MACF1: variants seen among roughly 807,000 people sequenced by gnomAD.
MACF1 encodes microtubule actin crosslinking factor 1, also known as microtubule-actin cross-linking factor 1.
MACF1 carries 193 observed loss-of-function variants against 854.8 expected under a neutral mutation model. The observed-to-expected ratio is 0.23, with a 90% CI of 0.20 to 0.25. The LOEUF (loss-of-function observed/expected upper bound fraction) is 0.25, where lower values mean the gene tolerates loss of function less well. Ranked by LOEUF, MACF1 falls within the 10% of genes least tolerant of loss-of-function variation. MACF1 has a pLI of 1.00. For missense variants in MACF1, 7,722 were observed against 8,929.1 expected (o/e 0.86, Z 5.45); for synonymous variants, 3,185 against 3,226.7 (o/e 0.99, Z 0.44).
chr1:39,379,756 A>C (rs941497240), intron 54 of MACF1, among the ~76,000 whole-genome samples: 13 of 152,242 alleles, frequency 8.5e-5, no homozygotes, highest in African/African-American at 3.1e-4. Context: ...TGTAAGCAAG[A>C]CAAACCATTC....
intron 35 of MACF1, 85 bp downstream of exon 35, chr1:39,324,819 T>G (rs1204785106): frequency 1.9e-6 from 2 of 1,061,988 alleles, no homozygotes; most frequent in Admixed American, 3.8e-5. Context: ...GATTTCAGAA[T>G]GGAGAATTCA....
intron 6 of MACF1, among the ~76,000 whole-genome samples, chr1:39,263,290 A>G (rs1645186556): frequency 6.6e-6 from 1 of 152,166 alleles, no homozygotes; most frequent in Non-Finnish European, 1.5e-5. Flanking sequence ...TCCAGATTAA[A>G]GATTTGTGAC....
At chr1:39,414,900 T>A (rs1643228385) in intron 58 of MACF1, among the ~76,000 whole-genome samples, 1 of 152,206 alleles carries the variant, frequency 6.6e-6, no homozygotes, top group African/African-American at 2.4e-5. Context: ...CTGGGGTGCT[T>A]CCTAACCACT....
intron 2 of MACF1, among the ~76,000 whole-genome samples, chr1:39,152,530 C>T (rs1170512059): frequency 2.0e-5 from 3 of 152,168 alleles, no homozygotes; most frequent in Admixed American, 6.5e-5. Flanking sequence ...CCCTCATTGA[C>T]GTTCTCCCTG....
At chr1:39,086,958 C>T (rs545762063) in intron 2 of MACF1, among the ~76,000 whole-genome samples, 1 of 152,218 alleles carries the variant, frequency 6.6e-6, no homozygotes, top group South Asian at 2.1e-4. Flanking sequence ...TGCAGTTGGG[C>T]GTGTTTCTTT....
chr1:39,460,809 C>G lies in MACF1; in HGVS notation c.21523+15C>G, dbSNP rs374209801. On this transcript the variant is annotated intron_variant, in intron 92 of 100. Coordinates refer to ENST00000564288, the MANE Select transcript of MACF1 (RefSeq NM_001394062.1). The surrounding 1 kb of genome is among the most constrained non-coding windows in gnomAD (Gnocchi z 4.1). Reference sequence around the variant, plus strand: ...TTTAGCATCCAGTGAGTCTAGTCATCATTCCAAACATGGGTCACACCTGGA... The same window carrying G: ...TTTAGCATCCAGTGAGTCTAGTCATGATTCCAAACATGGGTCACACCTGGA... The G allele has an allele frequency of 3.1e-6, 5 of 1,613,490 alleles. No individual in the cohort carries two copies. The highest frequency in any genetic ancestry group is 4.2e-6 in the Non-Finnish European group (5 of 1,179,480).
rs1646442643 is a variant in MACF1 at position 39,317,869 on chromosome 1, CAG to C, written c.3782+464_3782+465del. The stretch of plus-strand genomic sequence containing the variant: ...TAATGACAGATGTAAATAGGAAGGA[CAG>C]AAACTGCACCTTTTGGAGGCTAAGC... On this transcript the variant is annotated intron_variant, in intron 29 of 100. Transcript: ENST00000564288. 1.3e-5 allele frequency among the ~76,000 whole-genome samples: 2 copies of C among 152,168 alleles called. 1 individual carries two copies. Among genetic ancestry groups the C allele is most frequent in the Non-Finnish European group, 2.9e-5 (2 of 68,040 alleles).
chr1:39,423,661 A>G (rs1643628641), intron 60 of MACF1, among the ~76,000 whole-genome samples: 1 of 151,942 alleles, frequency 6.6e-6, no homozygotes, highest in African/African-American at 2.4e-5. Flanking sequence ...AATGTTTATA[A>G]TATACAATGT....
chr1:39,149,869 T>C (rs568639632), intron 2 of MACF1, among the ~76,000 whole-genome samples: 1 of 152,230 alleles, frequency 6.6e-6, no homozygotes, highest in Non-Finnish European at 1.5e-5. Context: ...GAAGTCTTCT[T>C]TGATCTCTCC....
rs1474646398 is a variant in MACF1 at position 39,385,869 on chromosome 1, G to A, written c.14284G>A (p.Glu4762Lys). 4 of 1,614,108 alleles carry A rather than the reference G, an allele frequency of 2.5e-6. No homozygotes were observed. The highest frequency in any genetic ancestry group is 3.4e-6 in the Non-Finnish European group (4 of 1,180,008). Residue 4762 changes from glutamate to lysine, a missense_variant, in exon 57 of 101, where the codon GAA becomes AAA. By Grantham distance (56) the Glu-to-Lys change is moderately conservative (BLOSUM62 1). Around this residue, in one of 15 missense-constraint regions of MACF1, gnomAD observed 2,807 missense variants for 3,235.8 expected, o/e 0.87. Transcript: ENST00000564288. ...VLIGEQYLKD[E>K]LKKRLETVAL... Reference sequence around the variant, plus strand: ...CATTGGTGAGCAGTACCTCAAGGATGAACTGAAGAAGCGTTTGGAGACAGT... The same window carrying A: ...CATTGGTGAGCAGTACCTCAAGGATAAACTGAAGAAGCGTTTGGAGACAGT...
At chr1:39,216,200 G>A (rs1375679128) in intron 1 of MACF1, among the ~76,000 whole-genome samples, 1 of 152,156 alleles carries the variant, frequency 6.6e-6, no homozygotes, top group Admixed American at 6.5e-5. Context: ...TTAAAGAATT[G>A]TCTTTTATTC....
At chr1:39,145,854 C>G (rs1012936743) in intron 2 of MACF1, among the ~76,000 whole-genome samples, 2 of 152,160 alleles carry the variant, frequency 1.3e-5, no homozygotes, top group African/African-American at 4.8e-5. Context: ...GAGCTTTTCC[C>G]CCAGGTCCAA....
intron 2 of MACF1, among the ~76,000 whole-genome samples, chr1:39,139,774 AAGTAAT>A (rs1376073385): frequency 2.6e-5 from 4 of 152,128 alleles, no homozygotes; most frequent in African/African-American, 9.7e-5. Flanking sequence ...ATACACTTAA[AAGTAAT>A]AGTAATAACT....
intron 58 of MACF1, among the ~76,000 whole-genome samples, chr1:39,399,491 C>T (rs1489304935): frequency 1.3e-5 from 2 of 150,984 alleles, no homozygotes; most frequent in Non-Finnish European, 2.9e-5. Flanking sequence ...TCTCTTGCCT[C>T]AGCCTCCCAA....
At chr1:39,284,727 G>A (rs1645611348) in intron 11 of MACF1, among the ~76,000 whole-genome samples, 1 of 152,132 alleles carries the variant, frequency 6.6e-6, no homozygotes, top group Non-Finnish European at 1.5e-5. Flanking sequence ...TCCCTAGGGT[G>A]GAAAGAAGAG....
chr1:39,453,594 G>A lies in MACF1; in HGVS notation c.20743-113G>A, dbSNP rs774557087. On this transcript the variant is annotated intron_variant, in intron 87 of 100. Transcript: ENST00000564288. Reference sequence around the variant, plus strand: ...ACTATACAGGCTTTTAGAGGTCTGCGTTAACACATGGAGGAAAAAGAAAAC... The same window carrying A: ...ACTATACAGGCTTTTAGAGGTCTGCATTAACACATGGAGGAAAAAGAAAAC... The A allele has an allele frequency of 1.8e-5, 16 of 904,950 alleles. 1 individual carries two copies. The highest frequency in any genetic ancestry group is 6.5e-5 in the Admixed American group (3 of 46,386). 56.1% of individuals were successfully genotyped at this position (904,950 alleles called of 1,614,324 possible).
chr1:39,175,367 C>T (rs1050886069), intron 2 of MACF1, among the ~76,000 whole-genome samples: 24 of 152,282 alleles, frequency 1.6e-4, no homozygotes, highest in African/African-American at 5.1e-4. Flanking sequence ...AATAAGTATT[C>T]TCAAAAACTA....
intron 97 of MACF1, among the ~76,000 whole-genome samples, chr1:39,471,355 G>T (rs1436468921): frequency 6.6e-6 from 1 of 152,114 alleles, no homozygotes; most frequent in Non-Finnish European, 1.5e-5. Context: ...CAGTGCTTAT[G>T]GTAGGTTTTG....
At chr1:39,183,226 T>G (rs149008062) in intron 2 of MACF1, among the ~76,000 whole-genome samples, 1 of 152,160 alleles carries the variant, frequency 6.6e-6, no homozygotes. Context: ...CTAATTGATA[T>G]AGGGTTTCTT....
Sources: allele counts gnomAD v4.1 joint callset (sites outside exome capture counted in the v4.1 genomes callset), GRCh38; gene constraint gnomAD v4.1.1; regional missense constraint gnomAD v4.1.1; non-coding constraint Gnocchi (gnomAD v3.1); transcripts MANE v1.5; gene names NCBI Gene and HGNC (gene_info 2026-07-23, HGNC 2026-07-21).